SLC25A33: variants seen among roughly 807,000 people sequenced by gnomAD.
SLC25A33 encodes solute carrier family 25 member 33.
In SLC25A33, 15 loss-of-function variants were observed where a neutral mutation model predicts 35.5. The ratio of observed to expected loss-of-function variants is 0.42; its 90% CI spans 0.28 to 0.65. SLC25A33 has a LOEUF of 0.65. Among genes scored for constraint, SLC25A33 ranks in the 30% least tolerant of loss-of-function variants. The pLI is 0.20. For synonymous variants in SLC25A33, 136 were observed against 148.7 expected, an observed-to-expected ratio of 0.91 and a Z score of 0.62; for missense variants, 257 against 398.5, an observed-to-expected ratio of 0.64 and a Z score of 3.02.
At chr1:9,574,118 C>CTTTTTTTTTTTTTTT (rs57215050) in intron 5 of SLC25A33, among the ~76,000 whole-genome samples, 6 of 134,364 alleles carry the variant, frequency 4.5e-5, no homozygotes, top group Admixed American at 2.2e-4. Context: ...CTTTTCTTTT[C>CTTTTTTTTTTTTTTT]TTTTTTTTTT....
At chr1:9,566,179 C>T (rs1643502910) in intron 2 of SLC25A33, among the ~76,000 whole-genome samples, 2 of 152,042 alleles carry the variant, frequency 1.3e-5, no homozygotes, top group Admixed American at 1.3e-4. Context: ...GCTGGGACCA[C>T]AGGCACACAC....
intron 1 of SLC25A33, among the ~76,000 whole-genome samples, chr1:9,553,206 T>G (rs1643292129): frequency 2.4e-5 from 2 of 84,392 alleles, no homozygotes; most frequent in East Asian, 3.5e-4. Context: ...TAGTTTTGTT[T>G]TTTTTTTTTT....
intron 3 of SLC25A33, among the ~76,000 whole-genome samples, chr1:9,569,983 T>C (rs181289984): frequency 3.9e-4 from 60 of 152,308 alleles, no homozygotes; most frequent in Admixed American, 9.8e-4. Flanking sequence ...GAACGAAGAA[T>C]GTAAAAGGAC....
intron 1 of SLC25A33, among the ~76,000 whole-genome samples, chr1:9,545,950 G>A (rs1016154171): frequency 1.3e-4 from 20 of 151,452 alleles, no homozygotes; most frequent in Admixed American, 4.6e-4. Flanking sequence ...GCAACAGAGC[G>A]AGACTCCGTC....
At chr1:9,541,834 C>T (rs1416680240) in intron 1 of SLC25A33, among the ~76,000 whole-genome samples, 1 of 151,388 alleles carries the variant, frequency 6.6e-6, no homozygotes, top group Non-Finnish European at 1.5e-5. Context: ...GAGTCTTGCT[C>T]TGTCTCCCAG....
At position 9,584,100 on chromosome 1, in the gene SLC25A33, T is replaced by A. The variant is rs1246663380; in HGVS notation, c.*1599T>A. On this transcript the variant is annotated 3_prime_UTR_variant, in exon 7 of 7. Coordinates refer to ENST00000302692, the MANE Select transcript of SLC25A33 (RefSeq NM_032315.3). ...AGAAGGCAAGTAAAACCCCTAGTCTTCCATTAGCTCTTTCACTGGAATTTG... is the reference window on the plus strand; with the variant it reads ...AGAAGGCAAGTAAAACCCCTAGTCTACCATTAGCTCTTTCACTGGAATTTG... 1 of 152,102 alleles carries A rather than the reference T, an allele frequency of 6.6e-6. No individual in the cohort carries two copies. Among genetic ancestry groups the A allele is most frequent in the African/African-American group, 2.4e-5 (1 of 41,362 alleles). The allele number at this position is 152,102 out of a possible 1,614,324, so 9.4% of individuals were successfully genotyped here. A position where few individuals can be genotyped will look rare whatever the true frequency, so the allele number is the denominator to read the frequency against.
intron 1 of SLC25A33, among the ~76,000 whole-genome samples, chr1:9,550,011 ATTTTTTTTTT>A (rs70979761): frequency 1.2e-4 from 6 of 48,866 alleles, no homozygotes; most frequent in Non-Finnish European, 1.9e-4. Context: ...ATATATATAT[ATTTTTTTTTT>A]TTTTTTTTTT....
Position 9,570,377 on chromosome 1 carries a change from T to TG in SLC25A33, c.415+20dup. The TG allele has an allele frequency of 6.3e-7, 1 of 1,588,496 alleles. No homozygotes were observed. Among genetic ancestry groups the TG allele is most frequent in the Non-Finnish European group, 8.6e-7 (1 of 1,158,016 alleles). On this transcript the variant is annotated intron_variant, in intron 4 of 6. Coordinates refer to ENST00000302692, the MANE Select transcript of SLC25A33 (RefSeq NM_032315.3). ...TCTGCAGGTATGTTACCCTAGTGAG[T>TG]GAAGAGAGGGTCTCTCTCTCACTTT...
chr1:9,550,103 C>G (rs1643245279), intron 1 of SLC25A33, among the ~76,000 whole-genome samples: 1 of 135,874 alleles, frequency 7.4e-6, no homozygotes, highest in East Asian at 2.2e-4. Context: ...GCCTTGACCT[C>G]CTTGGGTTCA....
At chr1:9,579,874 A>G in intron 5 of SLC25A33, 80 bp from the exon 6 acceptor site, 1 of 1,471,204 alleles carries the variant, frequency 6.8e-7, no homozygotes, top group Non-Finnish European at 9.2e-7. Context: ...GAAGACCCGT[A>G]CCTGTTCTCC....
intron 1 of SLC25A33, among the ~76,000 whole-genome samples, chr1:9,542,627 G>C (rs1335650658): frequency 6.6e-6 from 1 of 152,124 alleles, no homozygotes; most frequent in Non-Finnish European, 1.5e-5. Flanking sequence ...ACTAGTTGCT[G>C]CTGTTGTTAA....
intron 2 of SLC25A33, among the ~76,000 whole-genome samples, chr1:9,564,299 C>T (rs571438937): frequency 2.0e-5 from 3 of 152,070 alleles, no homozygotes; most frequent in African/African-American, 4.8e-5. Context: ...ATAGAGAAAT[C>T]GGAACCCCTT....
intron 1 of SLC25A33, among the ~76,000 whole-genome samples, chr1:9,553,216 TTTTTTTTTTTTGGG>T (rs1643293243): frequency 7.3e-6 from 1 of 137,646 alleles, no homozygotes; most frequent in Non-Finnish European, 1.6e-5. Flanking sequence ...TTTTTTTTTT[TTTTTTTTTTTTGGG>T]TTTTTTTTTT....
intron 1 of SLC25A33, among the ~76,000 whole-genome samples, chr1:9,544,742 C>T (rs1040119973): frequency 1.3e-5 from 2 of 152,090 alleles, no homozygotes; most frequent in African/African-American, 4.8e-5. Context: ...TGTGGATAAG[C>T]TGTGAGCCTG....
chr1:9,539,527 C>T lies in SLC25A33; in HGVS notation c.-165C>T. The T allele has an allele frequency of 2.9e-6, 1 of 343,932 alleles. No homozygotes were observed. Among genetic ancestry groups the T allele is most frequent in the Non-Finnish European group, 4.6e-6 (1 of 215,384 alleles). The allele number at this position is 343,932 out of a possible 1,614,324, so 21.3% of individuals were successfully genotyped here. On this transcript the variant is annotated 5_prime_UTR_variant, in exon 1 of 7. Transcript: ENST00000302692. Reference sequence around the variant, plus strand: ...GCGCCGGCGGCCACGCCGCGGAAGGCGCGGGCCGAGCAGAGCCGGGCGTTG... The same window carrying T: ...GCGCCGGCGGCCACGCCGCGGAAGGTGCGGGCCGAGCAGAGCCGGGCGTTG...
chr1:9,549,752 C>T lies in SLC25A33; in HGVS notation c.57-3874C>T, dbSNP rs1354573633. On this transcript the variant is annotated intron_variant, in intron 1 of 6. Coordinates refer to ENST00000302692, the MANE Select transcript of SLC25A33 (RefSeq NM_032315.3). ...TCTCCTGCCTCAGCCTCCTGAGTAC[C>T]TGGGATTACAGGCACCCGCCACCAC... 2.7e-5 allele frequency among the ~76,000 whole-genome samples: 4 copies of T among 150,848 alleles called. No homozygotes were observed. In the East Asian group the frequency reaches 7.8e-4, roughly 29 times the overall value.
chr1:9,549,538 G>A (rs1643232184), intron 1 of SLC25A33, among the ~76,000 whole-genome samples: 1 of 151,840 alleles, frequency 6.6e-6, no homozygotes, highest in Non-Finnish European at 1.5e-5. Flanking sequence ...ATCAATGGGA[G>A]TTCCCAGTGT....
chr1:9,551,446 G>A (rs540128194), intron 1 of SLC25A33, among the ~76,000 whole-genome samples: 1 of 152,250 alleles, frequency 6.6e-6, no homozygotes, highest in East Asian at 1.9e-4. Context: ...TACTTTCAGA[G>A]TGTGCGTTAG....
intron 2 of SLC25A33, 122 bp from the exon 3 acceptor site, chr1:9,567,162 C>T (rs1643520482): frequency 1.6e-5 from 13 of 790,428 alleles, no homozygotes; most frequent in Middle Eastern, 2.4e-4. Flanking sequence ...AGATAAGAGT[C>T]GAGCTTGACA....
Sources: gnomAD v4.1 joint callset for allele counts (sites outside exome capture counted in the v4.1 genomes callset) on GRCh38, gnomAD v4.1.1 for gene constraint, MANE v1.5 for transcripts, NCBI Gene and HGNC (gene_info 2026-07-23, HGNC 2026-07-21) for gene names.